Variants in PRH2 observed in about 807,000 individuals in gnomAD.
PRH2 encodes proline rich protein HaeIII subfamily 2, also known as salivary acidic proline-rich phosphoprotein 1/2.
Under a neutral mutation model 22.6 loss-of-function variants are expected in PRH2, and 19 were observed. The observed-to-expected ratio is 0.84, with a 90% confidence interval of 0.59 to 1.23. PRH2 has a LOEUF of 1.23. Among genes scored for constraint, PRH2 ranks in the 50% most tolerant of loss-of-function variants. The pLI is 0.00. For synonymous variants in PRH2, 45 were observed against 72.0 expected (o/e 0.63, Z 1.90); for missense variants, 109 against 203.0 (o/e 0.54, Z 2.81).
chr12:10,929,408 G>C lies in PRH2; in HGVS notation c.64+71G>C. The C allele has an allele frequency of 3.8e-6, 6 of 1,583,152 alleles. No individual in the cohort carries two copies. The South Asian group carries it at 6.7e-5, about 18-fold the overall frequency. ...CGGGCGAATGCTATAGAGGGGGAAA[G>C]TGGAGGGAAGAGAGGAGGATGAGAA... On this transcript the variant is annotated intron_variant, in intron 1 of 3. Coordinates refer to ENST00000396400, the MANE Select transcript of PRH2 (RefSeq NM_001110213.1).
At position 10,934,519 on chromosome 12, in the gene PRH2, G is replaced by C. The variant is rs539583113; in HGVS notation, c.*2312G>C. ...AAGGCATTTAGCATGGCTGCAAAGA[G>C]AGAGCTCCAATGTCTAAATGCAACG... is the stretch of plus-strand genomic sequence containing the variant. On this transcript the variant is annotated 3_prime_UTR_variant, in exon 4 of 4. Coordinates refer to ENST00000396400, the MANE Select transcript of PRH2 (RefSeq NM_001110213.1). 1.3e-5 allele frequency among the ~76,000 whole-genome samples: 2 copies of C among 152,054 alleles called. No individual in the cohort carries two copies. Among genetic ancestry groups the C allele is most frequent in the Non-Finnish European group, 2.9e-5 (2 of 67,978 alleles).
chr12:10,929,550 T>C (rs1346992523), intron 1 of PRH2, among the ~76,000 whole-genome samples: 4 of 152,148 alleles, frequency 2.6e-5, no homozygotes, highest in African/African-American at 9.7e-5. Flanking sequence ...AAAGAATTTG[T>C]ACCGGGGGAG....
chr12:10,929,459 T>G, intron 1 of PRH2, 122 bp downstream of exon 1: 1 of 1,235,930 alleles, frequency 8.1e-7, no homozygotes, highest in East Asian at 2.4e-5. Context: ...AGAGTTCTCA[T>G]GCCAAGGATC....
chr12:10,931,515 T>C (rs1428744591), intron 3 of PRH2, among the ~76,000 whole-genome samples: 3 of 152,208 alleles, frequency 2.0e-5, no homozygotes, highest in African/African-American at 7.2e-5. Flanking sequence ...TGGTATCTCA[T>C]TTTTTAAAAC....
At chr12:10,932,115 A>T (rs887655972) in intron 3 of PRH2, 111 bp from the exon 4 acceptor site, 4 of 317,130 alleles carry the variant, frequency 1.3e-5, no homozygotes, top group African/African-American at 8.3e-5. Flanking sequence ...TGTAGAAGGG[A>T]TAGAGGGCAA....
intron 3 of PRH2, among the ~76,000 whole-genome samples, chr12:10,931,608 T>C (rs1950214711): frequency 6.6e-6 from 1 of 152,148 alleles, no homozygotes; most frequent in Admixed American, 6.5e-5. Flanking sequence ...TAAATAGCAA[T>C]TCATTTCTCC....
chr12:10,929,479 G>T, intron 1 of PRH2, 142 bp downstream of exon 1: 1 of 994,658 alleles, frequency 1.0e-6, no homozygotes. Context: ...CAGAAGACCT[G>T]TTGTGCCTTC....
chr12:10,930,293 T>C lies in PRH2; in HGVS notation c.89T>C (p.Leu30Ser), dbSNP rs1457903824. ...DEDVSQEDVP[L>S]VISDGGDSEQ... ...GATGTCAGCCAAGAAGACGTTCCCT[T>C]GGTAATATCAGGTAAATCCCAATAA... Residue 30 changes from leucine (L) to serine (S), a missense_variant, in exon 2 of 4, where the codon TTG (leucine) becomes TCG (serine). Physicochemically the swap from Leu to Ser is moderately radical, Grantham distance 145 (BLOSUM62 -2). Coordinates refer to ENST00000396400, the MANE Select transcript of PRH2 (RefSeq NM_001110213.1). 1 of 1,613,258 alleles carries C rather than the reference T, an allele frequency of 6.2e-7. No homozygotes were observed. Among genetic ancestry groups the C allele is most frequent in the South Asian group, 1.1e-5 (1 of 91,044 alleles).
At position 10,934,552 on chromosome 12, in the gene PRH2, T is replaced by C. The variant is rs1419180182; in HGVS notation, c.*2345T>C. On this transcript the variant is annotated 3_prime_UTR_variant, in exon 4 of 4. Coordinates refer to ENST00000396400, the MANE Select transcript of PRH2 (RefSeq NM_001110213.1). ...CAATGTCTAAATGCAACGCTGACAA[T>C]TTCTTCATCTATCACATGTACCTGT... Among the ~76,000 whole-genome samples the C allele has an allele frequency of 6.6e-6, 1 of 152,112 alleles. No individual in the cohort carries two copies. Among genetic ancestry groups the C allele is most frequent in the Non-Finnish European group, 1.5e-5 (1 of 67,984 alleles).
At chr12:10,930,035 T>C (rs778732009) in intron 1 of PRH2, among the ~76,000 whole-genome samples, 5 of 152,034 alleles carry the variant, frequency 3.3e-5, no homozygotes, top group Non-Finnish European at 5.9e-5. Flanking sequence ...TAAGGAATCA[T>C]GAGAGGACAA....
chr12:10,930,276 C>A lies in PRH2; in HGVS notation c.72C>A (p.Ser24Arg). 13 of 1,613,148 alleles carry A rather than the reference C, an allele frequency of 8.1e-6. No homozygotes were observed. The highest frequency in any genetic ancestry group is 1.1e-5 in the Non-Finnish European group (13 of 1,179,106). ...SSAQDLDEDV[S>R]QEDVPLVISD... ...CCTGTACTTCTTTTCTAGATGTCAG[C>A]CAAGAAGACGTTCCCTTGGTAATAT... Residue 24 changes from serine to arginine, a missense_variant, in exon 2 of 4, where the codon AGC becomes AGA. By Grantham distance (110) the Ser-to-Arg change is moderately radical (BLOSUM62 -1). Transcript: ENST00000396400.
Position 10,934,170 on chromosome 12 carries a change from C to T in PRH2, c.*1963C>T, listed in dbSNP as rs567552638. Reference sequence around the variant, plus strand: ...TGATAGCAAGCATCTGATTATTTTACTCTAAGTTATTTCCACTTCTGATTT... The same window carrying T: ...TGATAGCAAGCATCTGATTATTTTATTCTAAGTTATTTCCACTTCTGATTT... On this transcript the variant is annotated 3_prime_UTR_variant, in exon 4 of 4. Coordinates refer to ENST00000396400, the MANE Select transcript of PRH2 (RefSeq NM_001110213.1). Among the ~76,000 whole-genome samples the T allele has an allele frequency of 2.6e-4, 39 of 152,248 alleles. No homozygotes were observed. Among genetic ancestry groups the T allele is most frequent in the Admixed American group, 2.6e-4 (4 of 15,290 alleles).
intron 1 of PRH2, 41 bp downstream of exon 1, chr12:10,929,378 G>C: frequency 6.2e-7 from 1 of 1,612,268 alleles, no homozygotes; most frequent in East Asian, 2.2e-5. Context: ...TCTGATTGGG[G>C]TTTACGGGCG....
chr12:10,931,172 A>G (rs1346871652), intron 3 of PRH2, 92 bp downstream of exon 3: 2 of 1,563,706 alleles, frequency 1.3e-6, no homozygotes, highest in East Asian at 4.5e-5. Context: ...AGCTGTTAAT[A>G]TTTCCGTGTC....
rs1159941325 is a variant in PRH2 at position 10,934,634 on chromosome 12, T to C, written c.*2427T>C. ...ATTTCTTCCTTTAAAAAAAAAACTA[T>C]AGGCTCAATATGAAAGTAGAAAGCA... is the stretch of plus-strand genomic sequence containing the variant. On this transcript the variant is annotated 3_prime_UTR_variant, in exon 4 of 4. Coordinates refer to ENST00000396400, the MANE Select transcript of PRH2 (RefSeq NM_001110213.1). 2.0e-5 allele frequency among the ~76,000 whole-genome samples: 3 copies of C among 151,968 alleles called. No homozygotes were observed. The highest frequency in any genetic ancestry group is 4.4e-5 in the Non-Finnish European group (3 of 67,928).
chr12:10,930,539 G>T (rs530503794), intron 2 of PRH2, 123 bp from the exon 3 acceptor site: 1 of 1,525,548 alleles, frequency 6.6e-7, no homozygotes, highest in South Asian at 1.3e-5. Context: ...GGGAAGGGGG[G>T]AGGTTGGGAG....
intron 3 of PRH2, chr12:10,931,296 A>G: frequency 3.0e-6 from 3 of 1,001,592 alleles, no homozygotes; most frequent in Non-Finnish European, 4.3e-6. Flanking sequence ...CTATCTTCAA[A>G]TTACCTCTCT....
rs1441441889 is a variant in PRH2, at chr12:10,932,714, CT to C, written c.*508del. 6.6e-6 allele frequency among the ~76,000 whole-genome samples: 1 copy of C among 152,076 alleles called. No homozygotes were observed. Among genetic ancestry groups the C allele is most frequent in the Non-Finnish European group, 1.5e-5 (1 of 67,980 alleles). On this transcript the variant is annotated 3_prime_UTR_variant, in exon 4 of 4. Coordinates refer to ENST00000396400, the MANE Select transcript of PRH2 (RefSeq NM_001110213.1). ...CAGAAGCCACTAGACCTATTTTCCC[CT>C]ATTTTATCACTGATCAGTTCTGTCC...
intron 1 of PRH2, 47 bp downstream of exon 1, chr12:10,929,384 G>A (rs368236829): frequency 7.6e-5 from 123 of 1,610,410 alleles, no homozygotes; most frequent in East Asian, 5.8e-4. Flanking sequence ...TGGGGTTTAC[G>A]GGCGAATGCT....
Sources: gnomAD v4.1 joint callset for allele counts (sites outside exome capture counted in the v4.1 genomes callset) on GRCh38, gnomAD v4.1.1 for gene constraint, MANE v1.5 for transcripts, NCBI Gene and HGNC (gene_info 2026-07-23, HGNC 2026-07-21) for gene names.